Variants in PRKN observed in about 807,000 individuals in gnomAD.
The protein encoded by PRKN is parkin RBR E3 ubiquitin protein ligase.
PRKN carries 56 observed loss-of-function variants against 59.5 expected under a neutral mutation model. The observed-to-expected ratio is 0.94, with a 90% CI of 0.76 to 1.18. The LOEUF is 1.18. PRKN is among the 50% of genes most tolerant of loss of function. PRKN has a pLI of 0.00. For synonymous variants in PRKN, 250 were observed against 222.1 expected, an observed-to-expected ratio of 1.13 and a Z score of -1.12; for missense variants, 657 against 596.4, an observed-to-expected ratio of 1.10 and a Z score of -1.06.
chr6:161,498,382 C>G lies in PRKN; in HGVS notation c.1083+50472G>C, dbSNP rs768758674. ...TCCTCAGTAAATAAAAGCTCACTCT[C>G]TGGTTTGGAATTCAAGCCTCCTCCC... On this transcript the variant is annotated intron_variant, in intron 9 of 11. Transcript: ENST00000366898. The surrounding 1 kb of genome is among the most constrained non-coding windows in gnomAD (Gnocchi z 4.2). Among the ~76,000 whole-genome samples the G allele has an allele frequency of 6.6e-5, 10 of 152,204 alleles. No homozygotes were observed. The highest frequency in any genetic ancestry group is 1.3e-4 in the Non-Finnish European group (9 of 68,042).
chr6:161,565,142 G>A (rs190468320), intron 8 of PRKN, among the ~76,000 whole-genome samples: 1 of 152,080 alleles, frequency 6.6e-6, no homozygotes, highest in Non-Finnish European at 1.5e-5. Context: ...AGCTTACACT[G>A]TTGTTGTAAC....
rs1781367135 is a variant in PRKN at position 161,582,333 on chromosome 6, A to C, written c.872-12917T>G. On this transcript the variant is annotated intron_variant, in intron 7 of 11. Coordinates refer to ENST00000366898, the MANE Select transcript of PRKN (RefSeq NM_004562.3). The surrounding 1 kb of genome is among the most constrained non-coding windows in gnomAD (Gnocchi z 4.4). Reference sequence around the variant, plus strand: ...ACAATTTAGAGTCTCTAAAGTTGAAAGTTCTTCTTTGAAGATCTATACATT... The same window carrying C: ...ACAATTTAGAGTCTCTAAAGTTGAACGTTCTTCTTTGAAGATCTATACATT... Among the ~76,000 whole-genome samples the C allele has an allele frequency of 6.6e-6, 1 of 152,168 alleles. No individual in the cohort carries two copies. The highest frequency in any genetic ancestry group is 2.4e-5 in the African/African-American group (1 of 41,440).
chr6:162,353,618 A>T (rs1466304331), intron 2 of PRKN, among the ~76,000 whole-genome samples: 1 of 152,154 alleles, frequency 6.6e-6, no homozygotes, highest in Non-Finnish European at 1.5e-5. Flanking sequence ...AAAATTAACT[A>T]TTGGATTAAT....
At chr6:161,667,550 T>C (rs935285707) in intron 7 of PRKN, among the ~76,000 whole-genome samples, 10 of 152,226 alleles carry the variant, frequency 6.6e-5, no homozygotes, top group African/African-American at 2.4e-4. Flanking sequence ...AGAGGGTTTA[T>C]TGGGTGCTCT....
At chr6:162,689,028 C>A (rs763284399) in intron 1 of PRKN, among the ~76,000 whole-genome samples, 8 of 152,084 alleles carry the variant, frequency 5.3e-5, no homozygotes, top group Non-Finnish European at 1.2e-4. Flanking sequence ...TAAAAAAGGG[C>A]TAAATATTGA....
At chr6:161,565,187 C>T (rs1189677447) in intron 8 of PRKN, among the ~76,000 whole-genome samples, 1 of 152,092 alleles carries the variant, frequency 6.6e-6, no homozygotes, top group African/African-American at 2.4e-5. Flanking sequence ...GCTTCTTAGC[C>T]TCCCTCTTGT....
intron 4 of PRKN, among the ~76,000 whole-genome samples, chr6:162,190,381 A>C (rs555532139): frequency 9.2e-5 from 14 of 152,128 alleles, no homozygotes; most frequent in Admixed American, 2.0e-4. Flanking sequence ...AGTGAATTTT[A>C]CTCTTTTCAG....
chr6:161,955,075 A>T (rs1035084838), intron 6 of PRKN, among the ~76,000 whole-genome samples: 1 of 152,306 alleles, frequency 6.6e-6, no homozygotes, highest in Admixed American at 6.5e-5. Flanking sequence ...TCTCGGAGGA[A>T]GTCATCGTCC....
At chr6:162,722,120 C>A (rs548975952) in intron 1 of PRKN, among the ~76,000 whole-genome samples, 141 of 152,252 alleles carry the variant, frequency 9.3e-4, no homozygotes, top group African/African-American at 3.3e-3. Flanking sequence ...TTCTATGTAC[C>A]TTCCCCACAG....
At chr6:161,954,199 C>G (rs1015278239) in intron 6 of PRKN, among the ~76,000 whole-genome samples, 1 of 152,144 alleles carries the variant, frequency 6.6e-6, no homozygotes, top group Non-Finnish European at 1.5e-5. Context: ...TATAATACAT[C>G]GAAGCGAAGC....
At chr6:162,233,829 C>T (rs1199055937) in intron 3 of PRKN, among the ~76,000 whole-genome samples, 3 of 152,114 alleles carry the variant, frequency 2.0e-5, no homozygotes, top group African/African-American at 4.8e-5. Flanking sequence ...GAAGGAGATA[C>T]GAATGGACAT....
intron 3 of PRKN, among the ~76,000 whole-genome samples, chr6:162,218,982 C>T (rs558351266): frequency 4.6e-5 from 7 of 151,950 alleles, no homozygotes; most frequent in South Asian, 2.1e-4. Flanking sequence ...GAGACCAGCC[C>T]GGGCAACATG....
chr6:162,568,238 C>G (rs1780160391), intron 1 of PRKN: 1 of 177,112 alleles, frequency 5.6e-6, no homozygotes, highest in Non-Finnish European at 1.2e-5. Flanking sequence ...ACCCCACAAG[C>G]ACAAGCAACC....
At position 161,352,843 on chromosome 6, in the gene PRKN, G is replaced by T. The variant is rs933254336; in HGVS notation, c.1286-2632C>A. Among the ~76,000 whole-genome samples the T allele has an allele frequency of 6.6e-6, 1 of 151,310 alleles. No individual in the cohort carries two copies. The highest frequency in any genetic ancestry group is 2.4e-5 in the African/African-American group (1 of 41,090). On this transcript the variant is annotated intron_variant, in intron 11 of 11. Coordinates refer to ENST00000366898, the MANE Select transcript of PRKN (RefSeq NM_004562.3). This position sits in a 1 kb window ranked among gnomAD's most constrained non-coding sequence, Gnocchi z 5.8. Reference sequence around the variant, plus strand: ...TCGCCCAGGCTGGAGTACAGGGCGCGATCTGGGCTCACTGCCACCTCTGCC... The same window carrying T: ...TCGCCCAGGCTGGAGTACAGGGCGCTATCTGGGCTCACTGCCACCTCTGCC...
chr6:161,351,681 A>G (rs1329330679), intron 11 of PRKN, among the ~76,000 whole-genome samples: 1 of 152,198 alleles, frequency 6.6e-6, no homozygotes, highest in African/African-American at 2.4e-5. Context: ...ATTTTAATTA[A>G]GATGAGAGGG....
intron 1 of PRKN, among the ~76,000 whole-genome samples, chr6:162,621,809 T>C (rs1782677872): frequency 6.6e-6 from 1 of 152,146 alleles, no homozygotes; most frequent in Non-Finnish European, 1.5e-5. Flanking sequence ...TAATCTTCAA[T>C]TTATTTATTT....
chr6:161,749,119 G>C (rs181525045), intron 7 of PRKN, among the ~76,000 whole-genome samples: 2 of 152,254 alleles, frequency 1.3e-5, no homozygotes, highest in Non-Finnish European at 2.9e-5. Context: ...CGGGCAAGCA[G>C]GTACGCCTAA....
chr6:162,037,922 C>A (rs916266542), intron 5 of PRKN, among the ~76,000 whole-genome samples: 5 of 150,160 alleles, frequency 3.3e-5, no homozygotes, highest in Admixed American at 1.3e-4. Flanking sequence ...TCAGAAAATG[C>A]AACATTTATT....
chr6:161,704,696 C>T (rs1786408179), intron 7 of PRKN, among the ~76,000 whole-genome samples: 1 of 152,172 alleles, frequency 6.6e-6, no homozygotes, highest in Non-Finnish European at 1.5e-5. Context: ...CCCAAAAGTG[C>T]CTCATCCGGT....
Sources: allele counts gnomAD v4.1 joint callset (sites outside exome capture counted in the v4.1 genomes callset), GRCh38; gene constraint gnomAD v4.1.1; non-coding constraint Gnocchi (gnomAD v3.1); transcripts MANE v1.5; gene names NCBI Gene and HGNC (gene_info 2026-07-23, HGNC 2026-07-21).